The following RAP1GDS1 variants were observed in gnomAD, a reference collection of about 807,000 sequenced individuals.
RAP1GDS1 encodes Rap1 GTPase-GDP dissociation stimulator 1, also known as RAP1, GTP-GDP dissociation stimulator 1.
Under a neutral mutation model 71.1 loss-of-function variants are expected in RAP1GDS1, and 35 were observed. That is an observed-to-expected ratio of 0.49 (90% confidence interval 0.38 to 0.65). The LOEUF (loss-of-function observed/expected upper bound fraction) is 0.65. Ranked by LOEUF, RAP1GDS1 falls within the 30% of genes least tolerant of loss-of-function variation. The probability of loss-of-function intolerance (pLI) is 0.00; values close to 1 mark genes in which losing one functional copy is unlikely to be tolerated. For synonymous variants in RAP1GDS1, 229 were observed against 243.1 expected (o/e 0.94, Z 0.54); for missense variants, 663 against 706.1 (o/e 0.94, Z 0.69).
intron 1 of RAP1GDS1, among the ~76,000 whole-genome samples, chr4:98,269,933 C>A (rs1453345): frequency 0.066 from 10,043 of 152,066 alleles, 372 homozygotes; most frequent in Admixed American, 0.13. Context: ...TGTCTCAGTC[C>A]ATTTTGTGCT....
At chr4:98,377,628 TTGTGTG>T (rs58691883) in intron 4 of RAP1GDS1, among the ~76,000 whole-genome samples, 40 of 149,386 alleles carry the variant, frequency 2.7e-4, no homozygotes, top group Non-Finnish European at 5.1e-4. Context: ...TACTATATAA[TTGTGTG>T]TGTGTGTGTG....
At chr4:98,276,132 T>C (rs1246508927) in intron 1 of RAP1GDS1, among the ~76,000 whole-genome samples, 1 of 152,142 alleles carries the variant, frequency 6.6e-6, no homozygotes, top group Non-Finnish European at 1.5e-5. Flanking sequence ...TCCTGGTTTA[T>C]AGGTCATCTT....
chr4:98,422,668 C>T lies in RAP1GDS1; in HGVS notation c.1440+1274C>T, dbSNP rs193112115. Among the ~76,000 whole-genome samples, 12 of 152,274 alleles carry T rather than the reference C, an allele frequency of 7.9e-5. No homozygotes were observed. In the East Asian group the frequency reaches 1.2e-3, roughly 15 times the overall value. On this transcript the variant is annotated intron_variant, in intron 12 of 14. Coordinates refer to ENST00000408927, the MANE Select transcript of RAP1GDS1 (RefSeq NM_001100427.2). ...AAGAAGAAGATGCCAAGAGAAAAAA[C>T]GTAAAACTAAAGCTGTTCTTGTATA...
intron 4 of RAP1GDS1, among the ~76,000 whole-genome samples, chr4:98,378,255 G>A (rs769237311): frequency 6.6e-6 from 1 of 151,802 alleles, no homozygotes; most frequent in African/African-American, 2.4e-5. Flanking sequence ...AAAGCTGTTT[G>A]TATGTTCTGA....
intron 4 of RAP1GDS1, among the ~76,000 whole-genome samples, chr4:98,360,494 C>T (rs1340435314): frequency 6.6e-6 from 1 of 152,054 alleles, no homozygotes; most frequent in Non-Finnish European, 1.5e-5. Context: ...TTGTCTAAAT[C>T]TGTTTTTTCC....
chr4:98,263,716 G>C (rs1722339817), intron 1 of RAP1GDS1, among the ~76,000 whole-genome samples: 1 of 152,084 alleles, frequency 6.6e-6, no homozygotes, highest in Admixed American at 6.5e-5. Context: ...GCAAATTGTT[G>C]AACTTAAAGC....
intron 2 of RAP1GDS1, among the ~76,000 whole-genome samples, chr4:98,300,665 T>G (rs1728448334): frequency 6.6e-6 from 1 of 152,128 alleles, no homozygotes; most frequent in Non-Finnish European, 1.5e-5. Flanking sequence ...CCTCCCAAAC[T>G]GCTAGGATTA....
At chr4:98,326,302 C>A (rs1245883839) in intron 2 of RAP1GDS1, among the ~76,000 whole-genome samples, 1 of 152,130 alleles carries the variant, frequency 6.6e-6, no homozygotes, top group Non-Finnish European at 1.5e-5. Flanking sequence ...TAAAATTATT[C>A]ATTGTCATTT....
intron 4 of RAP1GDS1, among the ~76,000 whole-genome samples, chr4:98,378,018 T>C (rs1389871322): frequency 6.6e-6 from 1 of 151,876 alleles, no homozygotes; most frequent in South Asian, 2.1e-4. Flanking sequence ...CAGAGTGATA[T>C]ATATTGAATT....
At chr4:98,439,982 C>T (rs895907112) in intron 14 of RAP1GDS1, among the ~76,000 whole-genome samples, 1 of 152,178 alleles carries the variant, frequency 6.6e-6, no homozygotes, top group African/African-American at 2.4e-5. Flanking sequence ...ACTCATTAAC[C>T]AATAACTCCC....
intron 4 of RAP1GDS1, among the ~76,000 whole-genome samples, chr4:98,370,990 A>G (rs1740289084): frequency 6.6e-6 from 1 of 152,210 alleles, no homozygotes; most frequent in Non-Finnish European, 1.5e-5. Context: ...CCTAAGTTAA[A>G]ACTTAATAAG....
intron 5 of RAP1GDS1, among the ~76,000 whole-genome samples, chr4:98,384,603 A>G (rs1190258102): frequency 2.6e-5 from 4 of 151,618 alleles, no homozygotes; most frequent in Non-Finnish European, 4.4e-5. Flanking sequence ...GACTATTTCT[A>G]TGATAATGCT....
intron 1 of RAP1GDS1, among the ~76,000 whole-genome samples, chr4:98,271,273 C>T (rs1380793590): frequency 6.6e-6 from 1 of 152,122 alleles, no homozygotes; most frequent in Non-Finnish European, 1.5e-5. Flanking sequence ...GATTAGTAGA[C>T]ATCTCTACTA....
At chr4:98,368,135 A>G (rs1187011397) in intron 4 of RAP1GDS1, among the ~76,000 whole-genome samples, 1 of 152,122 alleles carries the variant, frequency 6.6e-6, no homozygotes, top group Non-Finnish European at 1.5e-5. Context: ...TTCTCATGAT[A>G]GTAAGTCTCA....
rs1020338035 is a variant in RAP1GDS1, at chr4:98,354,132, G to A, written c.361+1531G>A. Among the ~76,000 whole-genome samples the A allele has an allele frequency of 1.0e-4, 15 of 147,760 alleles. No individual in the cohort carries two copies. In the South Asian group the frequency reaches 1.3e-3, roughly 13 times the overall value. ...CTGCGGACTGCAGTGGCGCAATCTC[G>A]GCTCACTGCAAGCTCCGCTTCCCGG... On this transcript the variant is annotated intron_variant, in intron 4 of 14. Transcript: ENST00000408927.
chr4:98,421,516 A>T (rs1205670004), intron 12 of RAP1GDS1, 122 bp downstream of exon 12: 3 of 1,097,718 alleles, frequency 2.7e-6, no homozygotes, highest in African/African-American at 1.6e-5. Context: ...ATTCAGTGAG[A>T]TCATGTATAT....
At chr4:98,337,932 A>T (rs1419555614) in intron 2 of RAP1GDS1, among the ~76,000 whole-genome samples, 1 of 152,228 alleles carries the variant, frequency 6.6e-6, no homozygotes, top group African/African-American at 2.4e-5. Flanking sequence ...AGGATTGCTT[A>T]AAAATTTAAA....
chr4:98,327,962 T>A (rs1733389677), intron 2 of RAP1GDS1, among the ~76,000 whole-genome samples: 1 of 152,196 alleles, frequency 6.6e-6, no homozygotes, highest in African/African-American at 2.4e-5. Flanking sequence ...ATACAAAGTT[T>A]AAGAAAGGAA....
In RAP1GDS1 at chr4:98,315,714, A is replaced by G. The variant is rs553540904; in HGVS notation, c.112+22199A>G. Among the ~76,000 whole-genome samples, 7 of 152,244 alleles carry G rather than the reference A, an allele frequency of 4.6e-5. No homozygotes were observed. In the East Asian group the frequency reaches 1.4e-3, roughly 29 times the overall value. ...GATCATATTATCAAAGGACTTTTAT[A>G]TCATGCTAAACATGATTTTTACTTG... is the stretch of plus-strand genomic sequence containing the variant. On this transcript the variant is annotated intron_variant, in intron 2 of 14. Transcript: ENST00000408927.
Sources: allele counts gnomAD v4.1 joint callset (sites outside exome capture counted in the v4.1 genomes callset), GRCh38; gene constraint gnomAD v4.1.1; transcripts MANE v1.5; gene names NCBI Gene and HGNC (gene_info 2026-07-23, HGNC 2026-07-21).